Variants in KCNAB1 observed in about 807,000 individuals in gnomAD.
KCNAB1 encodes the protein voltage-gated potassium channel subunit beta-1.
KCNAB1 carries 35 observed loss-of-function variants against 64.6 expected under a neutral mutation model. That is an observed-to-expected ratio of 0.54 (90% confidence interval 0.41 to 0.72). The LOEUF (loss-of-function observed/expected upper bound fraction) is 0.72, where lower values mean the gene tolerates loss of function less well. Among genes scored for constraint, KCNAB1 ranks in the 30% least tolerant of loss-of-function variants. The pLI, the probability that KCNAB1 is intolerant of heterozygous loss-of-function variation, is 0.00. For missense variants in KCNAB1, 401 were observed against 512.9 expected (o/e 0.78, Z 2.11); for synonymous variants, 177 against 183.8 (o/e 0.96, Z 0.30).
chr3:156,267,990 AT>A lies in KCNAB1; in HGVS notation c.275+147112del, dbSNP rs199818943. 1.2e-3 allele frequency among the ~76,000 whole-genome samples: 174 copies of A among 151,210 alleles called. 2 individuals carry two copies. Among genetic ancestry groups the A allele is most frequent in the African/African-American group, 4.1e-3 (168 of 41,220 alleles). On this transcript the variant is annotated intron_variant, in intron 1 of 13. Transcript: ENST00000490337. ...ATACTAGATCTTCTTCATTCTTTCTATTTTTTTTAATCCATTAGCCACCCCC... is the reference window on the plus strand; with the variant it reads ...ATACTAGATCTTCTTCATTCTTTCTATTTTTTTAATCCATTAGCCACCCCC...
intron 1 of KCNAB1, among the ~76,000 whole-genome samples, chr3:156,372,609 ACTC>A (rs1726387603): frequency 2.0e-5 from 3 of 152,150 alleles, no homozygotes; most frequent in South Asian, 2.1e-4. Flanking sequence ...AGTCTGAACA[ACTC>A]TGGCACATGG....
At chr3:156,274,869 CT>C (rs1719250630) in intron 1 of KCNAB1, among the ~76,000 whole-genome samples, 1 of 152,000 alleles carries the variant, frequency 6.6e-6, no homozygotes, top group South Asian at 2.1e-4. Flanking sequence ...TTATTTTTTT[CT>C]GGTGAGAACA....
At chr3:156,402,015 G>A (rs1713933487) in intron 1 of KCNAB1, among the ~76,000 whole-genome samples, 1 of 152,084 alleles carries the variant, frequency 6.6e-6, no homozygotes, top group African/African-American at 2.4e-5. Flanking sequence ...TGGGGAGCTG[G>A]GGGAGGGATA....
At chr3:156,264,896 A>G (rs1270339188) in intron 1 of KCNAB1, among the ~76,000 whole-genome samples, 3 of 152,180 alleles carry the variant, frequency 2.0e-5, no homozygotes, top group Non-Finnish European at 4.4e-5. Context: ...ATTCACTTTA[A>G]CCTCAGTGAC....
intron 1 of KCNAB1, among the ~76,000 whole-genome samples, chr3:156,191,695 C>T (rs1713575608): frequency 6.6e-6 from 1 of 152,152 alleles, no homozygotes; most frequent in African/African-American, 2.4e-5. Context: ...AAAAAAATGT[C>T]TTCTTTTTCC....
chr3:156,330,732 G>A (rs747072365), intron 1 of KCNAB1, among the ~76,000 whole-genome samples: 6 of 152,010 alleles, frequency 3.9e-5, no homozygotes, highest in African/African-American at 1.2e-4. Flanking sequence ...TTGAGTGAAC[G>A]GAGCTCCAAG....
chr3:156,527,431 T>G (rs1390897746), intron 12 of KCNAB1, among the ~76,000 whole-genome samples: 1 of 152,194 alleles, frequency 6.6e-6, no homozygotes, highest in African/African-American at 2.4e-5. Flanking sequence ...CTCTTAGCCA[T>G]GGCAAGCAAT....
chr3:156,474,596 C>A, intron 7 of KCNAB1, 138 bp from the exon 8 acceptor site: 1 of 588,696 alleles, frequency 1.7e-6, no homozygotes. Flanking sequence ...AGTCAATTAA[C>A]AATCATTGTA....
intron 1 of KCNAB1, among the ~76,000 whole-genome samples, chr3:156,284,132 C>G (rs1719926415): frequency 6.6e-6 from 1 of 152,102 alleles, no homozygotes; most frequent in African/African-American, 2.4e-5. Flanking sequence ...TGGTGATGTA[C>G]AGATGGGTTT....
chr3:156,453,539 T>A (rs1043370586), intron 3 of KCNAB1, among the ~76,000 whole-genome samples: 3 of 152,218 alleles, frequency 2.0e-5, no homozygotes, highest in African/African-American at 7.2e-5. Flanking sequence ...AGACACTCAA[T>A]AAATGGCAGC....
intron 1 of KCNAB1, among the ~76,000 whole-genome samples, chr3:156,322,594 G>A (rs940651897): frequency 6.6e-6 from 1 of 152,140 alleles, no homozygotes; most frequent in East Asian, 1.9e-4. Flanking sequence ...TATATCCATT[G>A]TAGGTCCTGG....
At chr3:156,437,168 G>A (rs1419539826) in intron 2 of KCNAB1, among the ~76,000 whole-genome samples, 3 of 152,042 alleles carry the variant, frequency 2.0e-5, no homozygotes, top group Non-Finnish European at 4.4e-5. Flanking sequence ...AAGAAGGATT[G>A]GTCTTTTATT....
At chr3:156,307,178 A>G (rs1335703728) in intron 1 of KCNAB1, among the ~76,000 whole-genome samples, 2 of 152,196 alleles carry the variant, frequency 1.3e-5, no homozygotes, top group Non-Finnish European at 2.9e-5. Context: ...AGGACAATTC[A>G]GGCATCATTT....
intron 7 of KCNAB1, among the ~76,000 whole-genome samples, chr3:156,472,041 A>G (rs1176953030): frequency 6.6e-6 from 1 of 152,178 alleles, no homozygotes; most frequent in Non-Finnish European, 1.5e-5. Context: ...AGACTGGTCC[A>G]TCCAGCTGCC....
intron 1 of KCNAB1, among the ~76,000 whole-genome samples, chr3:156,306,345 G>T (rs1721490593): frequency 6.6e-6 from 1 of 152,102 alleles, no homozygotes; most frequent in African/African-American, 2.4e-5. Context: ...CCAACTCCAA[G>T]TCCATTCACC....
chr3:156,356,118 TAA>T (rs369640404), intron 1 of KCNAB1, among the ~76,000 whole-genome samples: 1,073 of 88,294 alleles, frequency 0.012, 24 homozygotes, highest in African/African-American at 0.034. Context: ...TGGGACCCTG[TAA>T]AAAAAAAAAA....
At chr3:156,357,959 A>G (rs1725367926) in intron 1 of KCNAB1, among the ~76,000 whole-genome samples, 1 of 151,976 alleles carries the variant, frequency 6.6e-6, no homozygotes, top group African/African-American at 2.4e-5. Flanking sequence ...TTTACTGTTG[A>G]AAAAGTTGAT....
chr3:156,355,017 T>C (rs1201174149), intron 1 of KCNAB1, among the ~76,000 whole-genome samples: 1 of 152,224 alleles, frequency 6.6e-6, no homozygotes, highest in Non-Finnish European at 1.5e-5. Context: ...ATTGAAGGCA[T>C]TCCTAATTAG....
intron 8 of KCNAB1, among the ~76,000 whole-genome samples, chr3:156,493,019 A>G (rs1268454067): frequency 3.3e-5 from 5 of 152,170 alleles, no homozygotes; most frequent in Admixed American, 3.3e-4. Context: ...AAAGAGTAAA[A>G]CAATAACCAC....
Sources: gnomAD v4.1 joint callset for allele counts (sites outside exome capture counted in the v4.1 genomes callset) on GRCh38, gnomAD v4.1.1 for gene constraint, MANE v1.5 for transcripts, NCBI Gene and HGNC (gene_info 2026-07-23, HGNC 2026-07-21) for gene names.